The following LCOR variants were observed in gnomAD, a reference collection of about 807,000 sequenced individuals.
The protein encoded by LCOR is ligand dependent nuclear receptor corepressor, also known as ligand-dependent corepressor.
LCOR carries 14 observed loss-of-function variants against 64.4 expected under a neutral mutation model. The ratio of observed to expected loss-of-function variants is 0.22; its 90% CI spans 0.14 to 0.34. LCOR has a LOEUF of 0.34. Among genes scored for constraint, LCOR ranks in the 10% least tolerant of loss-of-function variants. LCOR has a pLI of 1.00. For missense variants in LCOR, 1,686 were observed against 1,765.3 expected, an observed-to-expected ratio of 0.96 and a Z score of 0.80; for synonymous variants, 643 against 642.5, an observed-to-expected ratio of 1.00 and a Z score of -0.01.
intron 4 of LCOR, among the ~76,000 whole-genome samples, chr10:96,915,089 GTC>G (rs1286129492): frequency 1.3e-5 from 2 of 152,192 alleles, no homozygotes; most frequent in Non-Finnish European, 2.9e-5. Flanking sequence ...CCAAGAGGAA[GTC>G]TCTCAAAACT....
intron 4 of LCOR, among the ~76,000 whole-genome samples, chr10:96,928,518 T>A (rs920215835): frequency 6.6e-6 from 1 of 152,188 alleles, no homozygotes; most frequent in Non-Finnish European, 1.5e-5. Flanking sequence ...CACTTCAAGT[T>A]CTCTTACCAT....
chr10:96,904,518 A>C (rs1370147313), intron 2 of LCOR, among the ~76,000 whole-genome samples: 1 of 152,202 alleles, frequency 6.6e-6, no homozygotes, highest in African/African-American at 2.4e-5. Flanking sequence ...GCCTGAAGAC[A>C]TGGTGCAGGT....
intron 2 of LCOR, among the ~76,000 whole-genome samples, chr10:96,851,004 A>G (rs142746806): frequency 1.3e-5 from 2 of 152,256 alleles, no homozygotes; most frequent in African/African-American, 4.8e-5. Context: ...TGCAGCAGGC[A>G]TGCATAAGAG....
chr10:96,967,051 T>C (rs1356228524), intron 7 of LCOR, among the ~76,000 whole-genome samples: 1 of 152,240 alleles, frequency 6.6e-6, no homozygotes. Context: ...GTAGAGGTTT[T>C]GTAGGCATGT....
chr10:96,970,653 A>ATTTAT (rs879732420), intron 7 of LCOR, among the ~76,000 whole-genome samples: 2,584 of 140,762 alleles, frequency 0.018, 93 homozygotes, highest in African/African-American at 0.064. Context: ...ATTTTATTTT[A>ATTTAT]TTTATTTTAT....
intron 2 of LCOR, among the ~76,000 whole-genome samples, chr10:96,898,158 G>A (rs1268318739): frequency 2.0e-5 from 3 of 152,136 alleles, no homozygotes; most frequent in African/African-American, 7.2e-5. Flanking sequence ...CCAAAAAAAG[G>A]TATATAAATA....
At chr10:96,951,465 TA>T (rs1445917435) in intron 6 of LCOR, among the ~76,000 whole-genome samples, 2 of 152,130 alleles carry the variant, frequency 1.3e-5, no homozygotes, top group Non-Finnish European at 2.9e-5. Context: ...AAAATTTTTT[TA>T]AAGGATTGAA....
At chr10:96,858,972 A>G (rs1032025830) in intron 2 of LCOR, among the ~76,000 whole-genome samples, 9 of 152,146 alleles carry the variant, frequency 5.9e-5, no homozygotes, top group Non-Finnish European at 1.3e-4. Flanking sequence ...TCTTTTCTCA[A>G]CCATACGGCA....
chr10:96,972,165 C>G (rs1468994428), intron 7 of LCOR, among the ~76,000 whole-genome samples: 1 of 152,036 alleles, frequency 6.6e-6, no homozygotes, highest in Non-Finnish European at 1.5e-5. Context: ...TTTAGTGTTA[C>G]TGCTCACCTT....
intron 2 of LCOR, among the ~76,000 whole-genome samples, chr10:96,899,002 A>G (rs1846588987): frequency 6.6e-6 from 1 of 152,174 alleles, no homozygotes; most frequent in Non-Finnish European, 1.5e-5. Flanking sequence ...ATACTTGGTG[A>G]TTTATGGAAA....
chr10:96,964,252 T>C (rs1847925309), intron 7 of LCOR: 1 of 151,948 alleles, frequency 6.6e-6, no homozygotes, highest in Non-Finnish European at 1.5e-5. Context: ...TTTTTTTTTT[T>C]TTTGCATTGT....
chr10:96,870,903 TTTACTGATAAATTCTA>T (rs1846062286), intron 2 of LCOR, among the ~76,000 whole-genome samples: 1 of 152,228 alleles, frequency 6.6e-6, no homozygotes, highest in Non-Finnish European at 1.5e-5. Flanking sequence ...GTGCTGTTAA[TTTACTGATAAATTCTA>T]GGACGGAAGA....
At chr10:96,861,074 T>C (rs764864524) in intron 2 of LCOR, among the ~76,000 whole-genome samples, 11 of 152,144 alleles carry the variant, frequency 7.2e-5, no homozygotes, top group Non-Finnish European at 1.2e-4. Context: ...GGCTGGACTT[T>C]GAAAAAAACG....
At chr10:96,957,741 A>G in intron 7 of LCOR, 1 of 985,432 alleles carries the variant, frequency 1.0e-6, no homozygotes, top group Non-Finnish European at 1.2e-6. Flanking sequence ...CTGTGTGTTC[A>G]AAGGTTAGGC....
chr10:96,858,476 G>T (rs546663684), intron 2 of LCOR, among the ~76,000 whole-genome samples: 2 of 152,168 alleles, frequency 1.3e-5, no homozygotes, highest in Non-Finnish European at 2.9e-5. Context: ...GACATACTAT[G>T]TGTGTGACAC....
In LCOR at chr10:96,966,623, TAGAA is replaced by T. The variant is rs1296650022; in HGVS notation, c.333-14167_333-14164del. Among the ~76,000 whole-genome samples the T allele has an allele frequency of 9.2e-5, 14 of 152,348 alleles. 1 individual carries two copies. The East Asian group carries it at 1.2e-3, about 13-fold the overall frequency. On this transcript the variant is annotated intron_variant, in intron 7 of 7. Transcript: ENST00000421806. ...TGAAATGAGTGAATAATTTTTTTAA[TAGAA>T]AGTGTTAAGTAATATAGTAGATAAG...
intron 4 of LCOR, among the ~76,000 whole-genome samples, chr10:96,912,232 T>C (rs1846850788): frequency 6.6e-6 from 1 of 152,132 alleles, no homozygotes; most frequent in Non-Finnish European, 1.5e-5. Flanking sequence ...CACCCGGCCT[T>C]CTTTAACCTT....
At chr10:96,833,310 G>A (rs1845380468) in intron 1 of LCOR, 96 bp from the exon 2 acceptor site, 1 of 954,064 alleles carries the variant, frequency 1.0e-6, no homozygotes, top group Non-Finnish European at 1.2e-6. Flanking sequence ...TTTCCCTGCG[G>A]GCCGGAGGGA....
chr10:96,899,440 G>A (rs532326361), intron 2 of LCOR, among the ~76,000 whole-genome samples: 2 of 151,950 alleles, frequency 1.3e-5, no homozygotes, highest in South Asian at 4.2e-4. Flanking sequence ...ATTCTTGATG[G>A]CTTTGTGAAT....
Sources: allele counts gnomAD v4.1 joint callset (sites outside exome capture counted in the v4.1 genomes callset), GRCh38; gene constraint gnomAD v4.1.1; transcripts MANE v1.5; gene names NCBI Gene and HGNC (gene_info 2026-07-23, HGNC 2026-07-21).